KATNIP: variants seen among roughly 807,000 people sequenced by gnomAD.
The protein encoded by KATNIP is katanin-interacting protein.
A neutral mutation model predicts 174.0 loss-of-function variants in KATNIP; 126 were observed. The ratio of observed to expected loss-of-function variants is 0.72; its 90% CI spans 0.63 to 0.84. The LOEUF (loss-of-function observed/expected upper bound fraction) is 0.84, where lower values mean the gene tolerates loss of function less well. Among genes scored for constraint, KATNIP ranks in the 40% least tolerant of loss-of-function variants. The pLI is 0.00. For missense variants in KATNIP, 1,958 were observed against 2,109.7 expected, an observed-to-expected ratio of 0.93 and a Z score of 1.41; for synonymous variants, 810 against 835.7, an observed-to-expected ratio of 0.97 and a Z score of 0.53.
intron 2 of KATNIP, among the ~76,000 whole-genome samples, chr16:27,585,359 G>A (rs2090856490): frequency 6.6e-6 from 1 of 152,184 alleles, no homozygotes; most frequent in African/African-American, 2.4e-5. Flanking sequence ...GATCACTATG[G>A]AGAACAGTTT....
chr16:27,554,553 G>A (rs1224290230), intron 1 of KATNIP, among the ~76,000 whole-genome samples: 1 of 152,124 alleles, frequency 6.6e-6, no homozygotes, highest in Non-Finnish European at 1.5e-5. Context: ...CCCAGGATCT[G>A]CACCTTTGAG....
intron 2 of KATNIP, among the ~76,000 whole-genome samples, chr16:27,617,222 G>A (rs1450090937): frequency 1.3e-5 from 2 of 152,156 alleles, no homozygotes; most frequent in Non-Finnish European, 2.9e-5. Context: ...GAATTGTCTG[G>A]ATACTTCTTT....
chr16:27,657,654 G>A (rs2077342011), intron 6 of KATNIP, among the ~76,000 whole-genome samples: 1 of 152,078 alleles, frequency 6.6e-6, no homozygotes. Context: ...GCTTATGTCT[G>A]TAATCCCAGC....
At chr16:27,704,063 A>G (rs569766925) in intron 12 of KATNIP, 65 bp downstream of exon 12, 7 of 1,248,362 alleles carry the variant, frequency 5.6e-6, no homozygotes, top group Non-Finnish European at 7.1e-6. Context: ...GGCATTTCGC[A>G]TCAGTGAGGA....
At chr16:27,608,457 G>A (rs952008310) in intron 2 of KATNIP, among the ~76,000 whole-genome samples, 3 of 135,314 alleles carry the variant, frequency 2.2e-5, no homozygotes, top group African/African-American at 8.5e-5. Context: ...ATGTTGCCCA[G>A]GCTGATCTCA....
rs183576390 is a variant in KATNIP, at chr16:27,561,102, C to T, written c.7+10925C>T. ...TCTTGGCTCACTGCAACCTCCGCCT[C>T]CTGGGTTCAAACAATTCTCCTGTCT... On this transcript the variant is annotated intron_variant, in intron 1 of 27. Transcript: ENST00000261588. Among the ~76,000 whole-genome samples the T allele has an allele frequency of 3.5e-3, 534 of 151,944 alleles. 3 individuals carry two copies. Among genetic ancestry groups the T allele is most frequent in the African/African-American group, 0.012 (505 of 41,406 alleles).
At chr16:27,699,992 C>T (rs1158542624) in intron 10 of KATNIP, among the ~76,000 whole-genome samples, 1 of 152,054 alleles carries the variant, frequency 6.6e-6, no homozygotes, top group Non-Finnish European at 1.5e-5. Context: ...CTCACTACAA[C>T]CTCTGCCTCC....
At chr16:27,660,032 C>G in intron 6 of KATNIP, 1 of 982,106 alleles carries the variant, frequency 1.0e-6, no homozygotes, top group Non-Finnish European at 1.2e-6. Flanking sequence ...GTTTGCGAGT[C>G]TTGTTTTAGG....
chr16:27,705,659 T>G (rs2079270361), intron 12 of KATNIP, among the ~76,000 whole-genome samples: 1 of 152,020 alleles, frequency 6.6e-6, no homozygotes, highest in South Asian at 2.1e-4. Flanking sequence ...AATAGTTTCT[T>G]TATTTTTATT....
Position 27,751,783 on chromosome 16 carries a change from C to G in KATNIP, c.3411C>G (p.Phe1137Leu), listed in dbSNP as rs2081527658. ...ATGATGACATTCTCGAGGCCATATT[C>G]TATTCTGATGAGATGTTTGACCTGG... ...TTDDDILEAI[F>L]YSDEMFDLDV... The change falls in exon 17 of 28, where the codon TTC becomes TTG. Residue 1137 changes from phenylalanine (F) to leucine (L), a missense_variant. By Grantham distance (22) the Phe-to-Leu change is conservative. Coordinates refer to ENST00000261588, the MANE Select transcript of KATNIP (RefSeq NM_015202.5). 6.2e-7 allele frequency: 1 copy of G among 1,614,238 alleles called. No homozygotes were observed. The highest frequency in any genetic ancestry group is 8.5e-7 in the Non-Finnish European group (1 of 1,180,036).
intron 2 of KATNIP, among the ~76,000 whole-genome samples, chr16:27,607,159 G>C (rs536138850): frequency 5.3e-5 from 8 of 152,272 alleles, no homozygotes; most frequent in African/African-American, 1.4e-4. Flanking sequence ...AGTGTTGGGA[G>C]TGTTATTTCC....
intron 6 of KATNIP, among the ~76,000 whole-genome samples, chr16:27,668,762 T>G (rs1057088753): frequency 2.0e-5 from 3 of 152,124 alleles, no homozygotes; most frequent in African/African-American, 4.8e-5. Flanking sequence ...TCCCAGCACT[T>G]TGGGAGTCTG....
chr16:27,759,208 G>T (rs904437724), intron 18 of KATNIP, among the ~76,000 whole-genome samples: 1 of 152,190 alleles, frequency 6.6e-6, no homozygotes, highest in African/African-American at 2.4e-5. Flanking sequence ...GGGAACTTCC[G>T]TCTTAGTGGG....
intron 6 of KATNIP, among the ~76,000 whole-genome samples, chr16:27,676,256 T>C (rs1227254416): frequency 6.6e-6 from 1 of 152,222 alleles, no homozygotes; most frequent in Non-Finnish European, 1.5e-5. Context: ...CACAGCACTG[T>C]AGGACACAAT....
At position 27,637,192 on chromosome 16, in the gene KATNIP, G is replaced by A. The variant is rs76929978; in HGVS notation, c.408+6030G>A. ...TGCCTGTTGTTGTTTTAATCACAGA[G>A]GGGCAGATGGGGAGGGCAGCTCAGC... On this transcript the variant is annotated intron_variant, in intron 5 of 27. Coordinates refer to ENST00000261588, the MANE Select transcript of KATNIP (RefSeq NM_015202.5). This position sits in a 1 kb window ranked among gnomAD's most constrained non-coding sequence, Gnocchi z 4.7. Among the ~76,000 whole-genome samples, 598 of 152,344 alleles carry A rather than the reference G, an allele frequency of 3.9e-3. 26 individuals carry two copies. The East Asian group carries it at 0.084, about 21-fold the overall frequency.
At chr16:27,658,281 C>T (rs1199115277) in intron 6 of KATNIP, among the ~76,000 whole-genome samples, 1 of 152,124 alleles carries the variant, frequency 6.6e-6, no homozygotes, top group African/African-American at 2.4e-5. Context: ...GCATAAGAAT[C>T]GCTTAGGATA....
intron 5 of KATNIP, among the ~76,000 whole-genome samples, chr16:27,642,308 A>G (rs1318102399): frequency 6.6e-6 from 1 of 152,116 alleles, no homozygotes; most frequent in Admixed American, 6.5e-5. Context: ...AAACTATCGC[A>G]AGAACAAAAA....
chr16:27,681,165 G>T, intron 7 of KATNIP: 1 of 486,446 alleles, frequency 2.1e-6, no homozygotes, highest in Non-Finnish European at 3.8e-6. Context: ...GAAAACCTGT[G>T]CATGTCCTAG....
At chr16:27,655,976 G>A (rs2077269367) in intron 6 of KATNIP, among the ~76,000 whole-genome samples, 1 of 152,192 alleles carries the variant, frequency 6.6e-6, no homozygotes, top group African/African-American at 2.4e-5. Flanking sequence ...AACAATGATA[G>A]AGAGAACTCT....
Sources: gnomAD v4.1 joint callset for allele counts (sites outside exome capture counted in the v4.1 genomes callset) on GRCh38, gnomAD v4.1.1 for gene constraint, Gnocchi (gnomAD v3.1) non-coding constraint, MANE v1.5 for transcripts, NCBI Gene and HGNC (gene_info 2026-07-23, HGNC 2026-07-21) for gene names.